Variants in RAP1A observed in about 807,000 individuals in gnomAD.
RAP1A encodes RAP1A, member of RAS oncogene family, also known as ras-related protein Rap-1A.
In RAP1A, 6 loss-of-function variants were observed where a neutral mutation model predicts 26.4. The observed-to-expected ratio is 0.23, with a 90% confidence interval of 0.12 to 0.45. RAP1A has a LOEUF of 0.45. Among genes scored for constraint, RAP1A ranks in the 20% least tolerant of loss-of-function variants. RAP1A has a pLI of 0.99. For missense variants in RAP1A, 121 were observed against 217.2 expected, an observed-to-expected ratio of 0.56 and a Z score of 2.78; for synonymous variants, 73 against 79.4, an observed-to-expected ratio of 0.92 and a Z score of 0.43.
At chr1:111,704,022 C>T (rs1190737265) in intron 5 of RAP1A, among the ~76,000 whole-genome samples, 1 of 152,154 alleles carries the variant, frequency 6.6e-6, no homozygotes, top group African/African-American at 2.4e-5. Flanking sequence ...AGGCTTGTCT[C>T]AGGCTCCTGA....
At chr1:111,620,569 C>T (rs188891303) in intron 1 of RAP1A, among the ~76,000 whole-genome samples, 2 of 151,334 alleles carry the variant, frequency 1.3e-5, no homozygotes, top group East Asian at 3.9e-4. Context: ...CAGGGTCTCC[C>T]TTTCCTTCCT....
At chr1:111,643,944 T>C (rs759345465) in intron 1 of RAP1A, among the ~76,000 whole-genome samples, 1 of 152,242 alleles carries the variant, frequency 6.6e-6, no homozygotes, top group Admixed American at 6.5e-5. Flanking sequence ...TAGCTGAAGC[T>C]GATAATGCAG....
chr1:111,657,405 AAAATCTGAAAATATTTG>A (rs1660496581), intron 1 of RAP1A, among the ~76,000 whole-genome samples: 1 of 152,208 alleles, frequency 6.6e-6, no homozygotes, highest in Admixed American at 6.5e-5. Context: ...CAGATATTCC[AAAATCTGAAAATATTTG>A]AAATCTGAAG....
intron 1 of RAP1A, among the ~76,000 whole-genome samples, chr1:111,677,389 T>C (rs1475031451): frequency 1.3e-5 from 2 of 148,540 alleles, no homozygotes; most frequent in East Asian, 3.9e-4. Flanking sequence ...CTTGTGTTAA[T>C]GATCTATTGC....
intron 2 of RAP1A, among the ~76,000 whole-genome samples, chr1:111,692,780 A>G (rs1238987886): frequency 6.6e-6 from 1 of 152,228 alleles, no homozygotes; most frequent in Non-Finnish European, 1.5e-5. Context: ...TATATTTAAA[A>G]AAATGTAGGC....
chr1:111,542,335 G>C (rs1183112901), exon 1 of RAP1A: 2 of 437,908 alleles, frequency 4.6e-6, no homozygotes, highest in Admixed American at 4.7e-5. Context: ...AAGTGTCTGT[G>C]TGGCTCCTTC....
chr1:111,594,174 A>G (rs1658519543), intron 1 of RAP1A, among the ~76,000 whole-genome samples: 1 of 152,226 alleles, frequency 6.6e-6, no homozygotes, highest in Non-Finnish European at 1.5e-5. Flanking sequence ...CACGACTTGG[A>G]AAGAGCAAAA....
rs566591730 is a variant in RAP1A, at chr1:111,613,930, C to T, written c.-28+71421C>T. ...GAAGTATATGGCTCGCTTATATTCT[C>T]TCTCTCTACGAAACACACAGACACA... On this transcript the variant is annotated intron_variant, in intron 1 of 7. Transcript: ENST00000356415. 6.6e-5 allele frequency among the ~76,000 whole-genome samples: 10 copies of T among 152,306 alleles called. No homozygotes were observed. The South Asian group carries it at 2.1e-3, about 32-fold the overall frequency.
chr1:111,713,447 A>G lies in RAP1A; in HGVS notation c.*1046A>G, dbSNP rs1662445724. On this transcript the variant is annotated 3_prime_UTR_variant, in exon 8 of 8. Coordinates refer to ENST00000369709, the MANE Select transcript of RAP1A (RefSeq NM_002884.4). ...AAGTTTAATACTGTATCAGGGTTTA[A>G]CTTTTACTATTTCAGATCTTCCACA... The G allele has an allele frequency of 6.6e-6, 1 of 152,180 alleles. No individual in the cohort carries two copies. The highest frequency in any genetic ancestry group is 2.1e-4 in the South Asian group (1 of 4,836). 9.4% of individuals were successfully genotyped at this position (152,180 alleles called of 1,614,324 possible). A position where few individuals can be genotyped will look rare whatever the true frequency, so the allele number is the denominator to read the frequency against.
chr1:111,617,861 T>C (rs1237502520), upstream of RAP1A, among the ~76,000 whole-genome samples: 5 of 151,710 alleles, frequency 3.3e-5, no homozygotes, highest in Non-Finnish European at 7.4e-5. Context: ...CTGGCCAACG[T>C]GGAGAAACCC....
At chr1:111,609,794 C>T (rs1298054162) in intron 1 of RAP1A, among the ~76,000 whole-genome samples, 1 of 152,082 alleles carries the variant, frequency 6.6e-6, no homozygotes, top group Admixed American at 6.6e-5. Context: ...CACCACCATA[C>T]CCGGCTAATT....
At chr1:111,688,476 C>CG (rs1198775772) in intron 1 of RAP1A, among the ~76,000 whole-genome samples, 3 of 151,796 alleles carry the variant, frequency 2.0e-5, no homozygotes, top group Non-Finnish European at 4.4e-5. Flanking sequence ...CACACCACCA[C>CG]GCCCAGCTAA....
At chr1:111,688,061 G>T (rs1376802410) in intron 1 of RAP1A, among the ~76,000 whole-genome samples, 5 of 136,732 alleles carry the variant, frequency 3.7e-5, no homozygotes, top group African/African-American at 1.3e-4. Flanking sequence ...ACTTGTTCAC[G>T]ATTTAAATGT....
chr1:111,711,549 A>G (rs903780827), intron 7 of RAP1A, among the ~76,000 whole-genome samples: 2 of 152,226 alleles, frequency 1.3e-5, no homozygotes, highest in Non-Finnish European at 2.9e-5. Context: ...GATAAAGTTT[A>G]CTTAATAAGT....
chr1:111,590,661 T>A (rs1658454760), intron 1 of RAP1A, among the ~76,000 whole-genome samples: 1 of 151,954 alleles, frequency 6.6e-6, no homozygotes, highest in African/African-American at 2.4e-5. Context: ...CTGAAAGTGA[T>A]CCACCCGCCT....
At position 111,681,064 on chromosome 1, in the gene RAP1A, G is replaced by T. The variant is rs149305832; in HGVS notation, c.-27-10270G>T. Among the ~76,000 whole-genome samples the T allele has an allele frequency of 6.6e-3, 1,002 of 152,296 alleles. 12 individuals are homozygous for T. Among genetic ancestry groups the T allele is most frequent in the African/African-American group, 0.023 (967 of 41,564 alleles). ...GTTTGAGACCAGCCTGGCCAACATG[G>T]TGAAACCCCGTCTCTACTAAAAATA... is the stretch of plus-strand genomic sequence containing the variant. On this transcript the variant is annotated intron_variant, in intron 1 of 7. Transcript: ENST00000369709.
intron 1 of RAP1A, among the ~76,000 whole-genome samples, chr1:111,626,395 AC>A (rs2101096782): frequency 6.6e-6 from 1 of 151,796 alleles, no homozygotes; most frequent in South Asian, 2.1e-4. Flanking sequence ...ACACACACAC[AC>A]ACACATATGC....
chr1:111,666,119 G>A (rs1250389945), intron 1 of RAP1A, among the ~76,000 whole-genome samples: 1 of 152,142 alleles, frequency 6.6e-6, no homozygotes, highest in Non-Finnish European at 1.5e-5. Flanking sequence ...AAAGCATACA[G>A]GAAAGATATA....
At chr1:111,649,938 C>G (rs1436324355) in intron 1 of RAP1A, among the ~76,000 whole-genome samples, 2 of 152,006 alleles carry the variant, frequency 1.3e-5, no homozygotes, top group African/African-American at 2.4e-5. Context: ...CCACACTGTT[C>G]ATTGATGTCA....
Sources: allele counts gnomAD v4.1 joint callset (sites outside exome capture counted in the v4.1 genomes callset), GRCh38; gene constraint gnomAD v4.1.1; transcripts MANE v1.5; gene names NCBI Gene and HGNC (gene_info 2026-07-23, HGNC 2026-07-21).